The following CBLB variants were observed in gnomAD, a reference collection of about 807,000 sequenced individuals.
The protein encoded by CBLB is Cbl proto-oncogene B, also known as E3 ubiquitin-protein ligase CBL-B.
CBLB carries 31 observed loss-of-function variants against 104.9 expected under a neutral mutation model. The observed-to-expected ratio is 0.30, with a 90% CI of 0.22 to 0.40. The LOEUF is 0.40. CBLB is among the 10% of genes least tolerant of loss of function. The probability of loss-of-function intolerance (pLI) is 1.00; values close to 1 mark genes in which losing one functional copy is unlikely to be tolerated. For missense variants in CBLB, 1,062 were observed against 1,214.6 expected (o/e 0.87, Z 1.87); for synonymous variants, 440 against 422.6 (o/e 1.04, Z -0.51).
At chr3:105,743,550 C>T (rs780133590) in intron 6 of CBLB, among the ~76,000 whole-genome samples, 1 of 151,688 alleles carries the variant, frequency 6.6e-6, no homozygotes, top group African/African-American at 2.4e-5. Flanking sequence ...TTCAATGCCA[C>T]TCTTGTCACC....
At chr3:105,868,146 A>G (rs1706398931) in intron 1 of CBLB, 1 of 1,126,268 alleles carries the variant, frequency 8.9e-7, no homozygotes, top group African/African-American at 1.6e-5. Context: ...CACTAAAACC[A>G]CCAAGTACGG....
intron 3 of CBLB, among the ~76,000 whole-genome samples, chr3:105,779,919 T>A (rs2079971368): frequency 6.6e-6 from 1 of 151,352 alleles, no homozygotes; most frequent in Non-Finnish European, 1.5e-5. Context: ...AATGGTGTGA[T>A]CTCGGCTCAC....
At position 105,656,808 on chromosome 3, in the gene CBLB, CT is replaced by C; in HGVS notation, c.*2161del. 1 of 205,314 alleles carries C rather than the reference CT, an allele frequency of 4.9e-6. No homozygotes were observed. Among genetic ancestry groups the C allele is most frequent in the Non-Finnish European group, 1.0e-5 (1 of 100,384 alleles). The allele number at this position is 205,314 out of a possible 1,614,324, so 12.7% of individuals were successfully genotyped here. On this transcript the variant is annotated 3_prime_UTR_variant, in exon 19 of 19. Transcript: ENST00000394030. Reference sequence around the variant, plus strand: ...CAATGTTATCACAATGAAGTGGCAACTTTTGGCCTTTAGACTGTACCTATCA... The same window carrying C: ...CAATGTTATCACAATGAAGTGGCAACTTTGGCCTTTAGACTGTACCTATCA...
chr3:105,832,231 A>G (rs896189058), intron 3 of CBLB, among the ~76,000 whole-genome samples: 3 of 152,202 alleles, frequency 2.0e-5, no homozygotes, highest in African/African-American at 7.2e-5. Flanking sequence ...CACCTCTGTT[A>G]TAGCAATTTT....
intron 2 of CBLB, among the ~76,000 whole-genome samples, chr3:105,857,700 A>T (rs771107386): frequency 6.6e-6 from 1 of 152,208 alleles, no homozygotes; most frequent in African/African-American, 2.4e-5. Flanking sequence ...TTGCAAATTT[A>T]CGTAAACTTC....
chr3:105,815,015 G>A (rs1318964467), intron 3 of CBLB, among the ~76,000 whole-genome samples: 8 of 149,852 alleles, frequency 5.3e-5, no homozygotes, highest in East Asian at 4.0e-4. Context: ...AACTGCTTCC[G>A]AAGATGAATT....
chr3:105,713,546 C>G (rs903578134), intron 10 of CBLB, among the ~76,000 whole-genome samples: 1 of 152,150 alleles, frequency 6.6e-6, no homozygotes, highest in Non-Finnish European at 1.5e-5. Flanking sequence ...TCAAGTGTTG[C>G]TTCTTCTAAT....
In CBLB at chr3:105,845,567, C is replaced by T. The variant is rs996016153; in HGVS notation, c.419+7847G>A. 4.0e-5 allele frequency among the ~76,000 whole-genome samples: 6 copies of T among 150,748 alleles called. No individual in the cohort carries two copies. The South Asian group carries it at 1.3e-3, about 31-fold the overall frequency. On this transcript the variant is annotated intron_variant, in intron 3 of 18. Coordinates refer to ENST00000394030, the MANE Select transcript of CBLB (RefSeq NM_170662.5). The stretch of plus-strand genomic sequence containing the variant: ...GGAAACTGCTATTAAAAAAAAAAAA[C>T]TTTCACTTTTCATTGAAAAATCAAC...
intron 7 of CBLB, among the ~76,000 whole-genome samples, chr3:105,737,911 A>G (rs2075128309): frequency 6.6e-6 from 1 of 152,220 alleles, no homozygotes; most frequent in South Asian, 2.1e-4. Flanking sequence ...TGGTCTATAG[A>G]TACAAGGTTC....
At chr3:105,778,092 T>C (rs1178677488) in intron 3 of CBLB, among the ~76,000 whole-genome samples, 1 of 152,068 alleles carries the variant, frequency 6.6e-6, no homozygotes, top group Admixed American at 6.6e-5. Context: ...TATGTGCACC[T>C]GTATATATGA....
chr3:105,735,737 G>A (rs1351606189), intron 8 of CBLB, among the ~76,000 whole-genome samples: 1 of 152,236 alleles, frequency 6.6e-6, no homozygotes, highest in African/African-American at 2.4e-5. Context: ...GATCACCTGA[G>A]GTCAGGAGTT....
intron 18 of CBLB, among the ~76,000 whole-genome samples, chr3:105,665,442 T>TACACACACAC (rs1159402124): frequency 3.0e-5 from 2 of 67,232 alleles, no homozygotes; most frequent in African/African-American, 9.8e-5. Context: ...TATATATATA[T>TACACACACAC]ACACACACAC....
intron 9 of CBLB, among the ~76,000 whole-genome samples, chr3:105,720,916 T>C (rs1048774659): frequency 2.6e-4 from 40 of 152,196 alleles, no homozygotes; most frequent in Non-Finnish European, 1.5e-4. Flanking sequence ...ACAAAAAGAT[T>C]TGTGCAAATA....
intron 17 of CBLB, chr3:105,673,627 T>A (rs190661112): frequency 4.6e-5 from 7 of 152,328 alleles, no homozygotes; most frequent in African/African-American, 1.7e-4. Context: ...GCTGCCCTCA[T>A]GCTTTAGCTC....
At chr3:105,747,325 T>C (rs1349739141) in intron 5 of CBLB, among the ~76,000 whole-genome samples, 1 of 152,222 alleles carries the variant, frequency 6.6e-6, no homozygotes, top group Admixed American at 6.5e-5. Context: ...CTAGACATGA[T>C]TACTGGTAGA....
intron 3 of CBLB, among the ~76,000 whole-genome samples, chr3:105,818,478 C>T (rs2085364404): frequency 6.6e-6 from 1 of 152,142 alleles, no homozygotes; most frequent in South Asian, 2.1e-4. Flanking sequence ...AAATAAGGCA[C>T]AATGACTACA....
rs539194998 is a variant in CBLB at position 105,751,599 on chromosome 3, C to T, written c.586G>A (p.Val196Ile). The T allele has an allele frequency of 1.2e-6, 2 of 1,613,454 alleles. No homozygotes were observed. The highest frequency in any genetic ancestry group is 1.7e-5 in the Admixed American group (1 of 59,966). Residue 196 changes from valine (V) to isoleucine (I), a missense_variant, in exon 5 of 19, where the codon GTA (valine) becomes ATA (isoleucine). This residue lies in a region of CBLB where 457 missense variants were observed against 632.0 expected (regional missense o/e 0.72). Coordinates refer to ENST00000394030, the MANE Select transcript of CBLB (RefSeq NM_170662.5). ...FGDKTIVPWK[V>I]FRQCLHEVHQ... ...ACCTCATGAAGGCACTGTCTGAATA[C>T]TTTCCATGGTACGATAGTTCTGTGC...
At chr3:105,746,799 A>T (rs376805866) in intron 5 of CBLB, among the ~76,000 whole-genome samples, 1 of 152,202 alleles carries the variant, frequency 6.6e-6, no homozygotes, top group Non-Finnish European at 1.5e-5. Flanking sequence ...AAGCTACATA[A>T]GGGCAAGGGA....
At chr3:105,680,331 T>TA (rs11431631) in intron 16 of CBLB, among the ~76,000 whole-genome samples, 38,359 of 152,118 alleles carry the variant, frequency 0.25, 4,965 homozygotes, top group Admixed American at 0.27. Context: ...AAAATCTGTC[T>TA]ACTTTGTCAT....
Sources: allele counts gnomAD v4.1 joint callset (sites outside exome capture counted in the v4.1 genomes callset), GRCh38; gene constraint gnomAD v4.1.1; regional missense constraint gnomAD v4.1.1; transcripts MANE v1.5; gene names NCBI Gene and HGNC (gene_info 2026-07-23, HGNC 2026-07-21).